The following COL11A1 variants were observed in gnomAD, a reference collection of about 807,000 sequenced individuals.
COL11A1 encodes collagen alpha-1(XI) chain.
COL11A1 carries 74 observed loss-of-function variants against 265.2 expected under a neutral mutation model. The observed-to-expected ratio is 0.28, with a 90% CI of 0.23 to 0.34. The LOEUF (loss-of-function observed/expected upper bound fraction) is 0.34, where lower values mean the gene tolerates loss of function less well. Among genes scored for constraint, COL11A1 ranks in the 10% least tolerant of loss-of-function variants. COL11A1 has a pLI of 1.00. For synonymous variants in COL11A1, 816 were observed against 727.6 expected (o/e 1.12, Z -1.96); for missense variants, 2,165 against 2,263.6 (o/e 0.96, Z 0.88).
chr1:102,950,910 T>C (rs957023509), intron 41 of COL11A1, among the ~76,000 whole-genome samples: 1 of 152,098 alleles, frequency 6.6e-6, no homozygotes, highest in Non-Finnish European at 1.5e-5. Context: ...AGTGAGTTCT[T>C]ATGGGATCTG....
intron 18 of COL11A1, among the ~76,000 whole-genome samples, chr1:103,005,404 C>T (rs1050211485): frequency 2.0e-5 from 3 of 151,974 alleles, no homozygotes; most frequent in Non-Finnish European, 4.4e-5. Context: ...TTTACCATCA[C>T]CAAAAAATAA....
intron 54 of COL11A1, among the ~76,000 whole-genome samples, chr1:102,909,707 C>CA: frequency 6.6e-6 from 1 of 152,116 alleles, no homozygotes; most frequent in South Asian, 2.1e-4. Flanking sequence ...CATGGACTTT[C>CA]TCTTACTCAA....
chr1:102,939,935 A>G (rs1440912253), intron 43 of COL11A1, among the ~76,000 whole-genome samples: 1 of 152,184 alleles, frequency 6.6e-6, no homozygotes, highest in Non-Finnish European at 1.5e-5. Context: ...TAACAGGATT[A>G]TGAAGTAAAT....
At chr1:102,914,101 A>AC (rs1214587506) in intron 52 of COL11A1, among the ~76,000 whole-genome samples, 1 of 152,184 alleles carries the variant, frequency 6.6e-6, no homozygotes, top group Non-Finnish European at 1.5e-5. Context: ...TGTTTTTACA[A>AC]CCCATCAAAG....
intron 30 of COL11A1, among the ~76,000 whole-genome samples, chr1:102,985,725 GATTT>G (rs1239570377): frequency 6.6e-6 from 1 of 152,130 alleles, no homozygotes; most frequent in African/African-American, 2.4e-5. Context: ...TTAAGCTCCT[GATTT>G]ATCACAATAG....
intron 24 of COL11A1, 70 bp downstream of exon 24, chr1:103,001,855 C>A: frequency 7.1e-7 from 1 of 1,414,010 alleles, no homozygotes; most frequent in Non-Finnish European, 1.0e-6. Context: ...GAAGGCAGAC[C>A]TTATACCTGC....
chr1:103,016,944 A>G (rs1338464344), intron 11 of COL11A1, among the ~76,000 whole-genome samples: 1 of 152,000 alleles, frequency 6.6e-6, no homozygotes, highest in Non-Finnish European at 1.5e-5. Flanking sequence ...TGAATTTCTC[A>G]CCTGATATAG....
At position 102,886,889 on chromosome 1, in the gene COL11A1, A is replaced by T; in HGVS notation, c.4776T>A (p.His1592Gln). The T allele has an allele frequency of 6.2e-7, 1 of 1,613,850 alleles. No individual in the cohort carries two copies. The highest frequency in any genetic ancestry group is 8.5e-7 in the Non-Finnish European group (1 of 1,179,822). The stretch of plus-strand genomic sequence containing the variant: ...TCTGAGTACCCATTGGAAATTTCAT[A>T]TGCTCAATGTCTTGTTTCAGGGAAT... ...SLNSLKQDIE[H>Q]MKFPMGTQTN... is the part of the protein sequence containing the mutation. Residue 1592 changes from histidine to glutamine, a missense_variant, in exon 63 of 67, where the codon CAT (histidine) becomes CAA (glutamine). By Grantham distance (24) the His-to-Gln change is conservative. Coordinates refer to ENST00000370096, the MANE Select transcript of COL11A1 (RefSeq NM_001854.4).
At chr1:103,043,340 A>T (rs1668986152) in intron 4 of COL11A1, among the ~76,000 whole-genome samples, 1 of 151,600 alleles carries the variant, frequency 6.6e-6, no homozygotes, top group South Asian at 2.1e-4. Context: ...CATGTCAGGA[A>T]GGTATAGCAT....
intron 48 of COL11A1, 78 bp from the exon 49 acceptor site, chr1:102,920,442 C>A: frequency 1.6e-6 from 2 of 1,269,244 alleles, no homozygotes; most frequent in South Asian, 1.2e-5. Flanking sequence ...TCTAGTTGTT[C>A]TCAAAAAAGA....
intron 28 of COL11A1, among the ~76,000 whole-genome samples, chr1:102,990,072 C>A (rs939317766): frequency 3.3e-5 from 5 of 151,950 alleles, no homozygotes; most frequent in Admixed American, 1.3e-4. Context: ...GTAATCTCAG[C>A]CACTAAAAAA....
At chr1:102,996,340 A>G (rs1045064260) in intron 26 of COL11A1, among the ~76,000 whole-genome samples, 1 of 152,096 alleles carries the variant, frequency 6.6e-6, no homozygotes, top group African/African-American at 2.4e-5. Flanking sequence ...ACAATTCAAA[A>G]ATTAATAACT....
chr1:102,912,272 A>G, intron 53 of COL11A1, 60 bp from the exon 54 acceptor site: 2 of 1,412,356 alleles, frequency 1.4e-6, no homozygotes, highest in Non-Finnish European at 1.9e-6. Context: ...GCCCACATAA[A>G]TTTTCAAAAT....
rs1480786563 is a variant in COL11A1 at position 102,998,292 on chromosome 1, C to A, written c.2196+18G>T. ...GATAATGTAAAGAAATTTTAATGAC[C>A]AGGTAGCTGTTACTTACAGGAGGCC... On this transcript the variant is annotated intron_variant, in intron 25 of 66. Transcript: ENST00000370096. The A allele has an allele frequency of 6.3e-7, 1 of 1,599,384 alleles. No homozygotes were observed. Among genetic ancestry groups the A allele is most frequent in the Non-Finnish European group, 8.6e-7 (1 of 1,169,390 alleles).
At chr1:102,976,289 C>CTTTTTTTTTTTTTATTTTTTTTTTTTTT (rs1662466387) in intron 35 of COL11A1, among the ~76,000 whole-genome samples, 1 of 58,578 alleles carries the variant, frequency 1.7e-5, no homozygotes, top group Non-Finnish European at 3.2e-5. Context: ...AAAACGTTGG[C>CTTTTTTTTTTTTTATTTTTTTTTTTTTT]TTTTTTTTTT....
At chr1:102,917,604 T>C (rs1298316139) in intron 49 of COL11A1, among the ~76,000 whole-genome samples, 1 of 151,894 alleles carries the variant, frequency 6.6e-6, no homozygotes, top group Non-Finnish European at 1.5e-5. Context: ...GCAGAAGAAA[T>C]AGTTGAAATA....
At chr1:102,960,885 A>G (rs1353917034) in intron 41 of COL11A1, among the ~76,000 whole-genome samples, 18 of 152,184 alleles carry the variant, frequency 1.2e-4, no homozygotes. Context: ...ATGTATGTTA[A>G]ACTAGTATTC....
At chr1:102,943,401 A>G (rs1037336843) in intron 42 of COL11A1, among the ~76,000 whole-genome samples, 2 of 151,524 alleles carry the variant, frequency 1.3e-5, no homozygotes, top group Non-Finnish European at 2.9e-5. Flanking sequence ...GAACTTGTTT[A>G]TGTCTTGTTC....
intron 54 of COL11A1, among the ~76,000 whole-genome samples, chr1:102,909,012 G>T (rs1654330637): frequency 6.6e-6 from 1 of 151,988 alleles, no homozygotes; most frequent in Admixed American, 6.6e-5. Context: ...AATTTTGGAT[G>T]AAAAAATAAT....
Sources: gnomAD v4.1 joint callset for allele counts (sites outside exome capture counted in the v4.1 genomes callset) on GRCh38, gnomAD v4.1.1 for gene constraint, MANE v1.5 for transcripts, NCBI Gene and HGNC (gene_info 2026-07-23, HGNC 2026-07-21) for gene names.